CD1B: variants seen among roughly 807,000 people sequenced by gnomAD.
CD1B encodes T-cell surface glycoprotein CD1b.
Under a neutral mutation model 39.8 loss-of-function variants are expected in CD1B, and 43 were observed. That is an observed-to-expected ratio of 1.08 (90% CI 0.85 to 1.39). CD1B has a LOEUF of 1.39. CD1B is among the 40% of genes most tolerant of loss of function. CD1B has a pLI of 0.00. For missense variants in CD1B, 495 were observed against 403.8 expected, an observed-to-expected ratio of 1.23 and a Z score of -1.94; for synonymous variants, 192 against 152.5, an observed-to-expected ratio of 1.26 and a Z score of -1.91.
chr1:158,294,111 G>C, the CD1B span, among the ~76,000 whole-genome samples: 1 of 152,178 alleles, frequency 6.6e-6, no homozygotes, highest in Non-Finnish European at 1.5e-5. Flanking sequence ...TAAACACAGA[G>C]AATTACAAAT....
At chr1:158,329,041 T>G (rs1445569197) in intron 4 of CD1B, 27 bp from the exon 5 acceptor site, 2 of 1,561,412 alleles carry the variant, frequency 1.3e-6, no homozygotes, top group African/African-American at 2.7e-5. Context: ...GACAAAAGGA[T>G]GTCACTTCAG....
chr1:158,305,257 T>C, the CD1B span, among the ~76,000 whole-genome samples: 1 of 151,956 alleles, frequency 6.6e-6, no homozygotes, highest in Admixed American at 6.6e-5. Context: ...CGGATGGAGC[T>C]GAAAACAAAG....
the CD1B span, among the ~76,000 whole-genome samples, chr1:158,295,803 G>C: frequency 6.6e-6 from 1 of 151,992 alleles, no homozygotes; most frequent in Non-Finnish European, 1.5e-5. Context: ...TCTTTCACTG[G>C]CTGACCCCAC....
chr1:158,306,715 A>T, the CD1B span, among the ~76,000 whole-genome samples: 1 of 152,212 alleles, frequency 6.6e-6, no homozygotes, highest in African/African-American at 2.4e-5. Context: ...AAGAACAGAA[A>T]TTATAACAAA....
At chr1:158,290,702 G>A in the CD1B span, among the ~76,000 whole-genome samples, 2 of 152,144 alleles carry the variant, frequency 1.3e-5, no homozygotes, top group Non-Finnish European at 2.9e-5. Flanking sequence ...TAGATGTAGA[G>A]GGATAAGTTT....
At chr1:158,331,109 G>A in intron 1 of CD1B, 47 bp from the exon 2 acceptor site, 1 of 1,531,434 alleles carries the variant, frequency 6.5e-7, no homozygotes, top group Non-Finnish European at 8.8e-7. Flanking sequence ...GAGAGAAGCA[G>A]GAGACAATTA....
the CD1B span, among the ~76,000 whole-genome samples, chr1:158,306,499 C>T: frequency 1.3e-5 from 2 of 152,196 alleles, no homozygotes; most frequent in African/African-American, 4.8e-5. Flanking sequence ...TAACACCCCA[C>T]TGTCAACATT....
chr1:158,298,007 A>C, the CD1B span, among the ~76,000 whole-genome samples: 1 of 152,052 alleles, frequency 6.6e-6, no homozygotes, highest in African/African-American at 2.4e-5. Flanking sequence ...GACCCATCTC[A>C]CATGCAAGGA....
the CD1B span, among the ~76,000 whole-genome samples, chr1:158,304,636 A>C: frequency 0.67 from 102,427 of 151,990 alleles, 36,500 homozygotes; most frequent in African/African-American, 0.9. Context: ...GGACAGAGTG[A>C]CTCCTCAAGT....
the CD1B span, among the ~76,000 whole-genome samples, chr1:158,306,869 T>G: frequency 6.6e-6 from 1 of 152,102 alleles, no homozygotes; most frequent in Non-Finnish European, 1.5e-5. Flanking sequence ...ATAAAGATGT[T>G]CTTTGAAACC....
chr1:158,331,302 G>C lies in CD1B; in HGVS notation c.61+61C>G, dbSNP rs572655598. On this transcript the variant is annotated intron_variant, in intron 1 of 5. Transcript: ENST00000368168. ...GTCCAATTGCACCTAGGAAAGCCCT[G>C]CTTGCTTTTTAAAATCCAAACCCCT... 29 of 1,489,296 alleles carry C rather than the reference G, an allele frequency of 1.9e-5. No individual in the cohort carries two copies. In the East Asian group the frequency reaches 5.9e-4, roughly 30 times the overall value. 92.3% of individuals were successfully genotyped at this position (1,489,296 alleles called of 1,614,324 possible).
At chr1:158,329,794 T>G in intron 3 of CD1B, 58 bp downstream of exon 3, 1 of 1,570,562 alleles carries the variant, frequency 6.4e-7, no homozygotes, top group South Asian at 1.2e-5. Flanking sequence ...TCCTTTGATA[T>G]CTTCCTACTC....
At chr1:158,292,409 T>G in the CD1B span, 1 of 1,575,312 alleles carries the variant, frequency 6.3e-7, no homozygotes, top group Non-Finnish European at 8.6e-7. Context: ...TCTATTCAAG[T>G]ACTGCCCCTT....
the CD1B span, chr1:158,293,228 G>T: frequency 6.2e-7 from 1 of 1,613,866 alleles, no homozygotes; most frequent in Non-Finnish European, 8.5e-7. Flanking sequence ...ACTTTTCCAT[G>T]AATTGGATTG....
chr1:158,331,144 T>C, intron 1 of CD1B, 82 bp from the exon 2 acceptor site: 1 of 1,405,988 alleles, frequency 7.1e-7, no homozygotes, highest in Non-Finnish European at 9.7e-7. Context: ...GAAAATGATT[T>C]AGAAAACAAG....
the CD1B span, among the ~76,000 whole-genome samples, chr1:158,314,133 G>A: frequency 1.1e-4 from 17 of 152,056 alleles, no homozygotes; most frequent in Non-Finnish European, 2.2e-4. Flanking sequence ...TGCCCAGGCT[G>A]GAGTGCAGTG....
At chr1:158,304,389 G>A in the CD1B span, among the ~76,000 whole-genome samples, 1 of 152,100 alleles carries the variant, frequency 6.6e-6, no homozygotes, top group Non-Finnish European at 1.5e-5. Context: ...AGAGAGGCTG[G>A]GGGAGGGGCG....
chr1:158,291,272 TC>T, the CD1B span: 1 of 1,614,130 alleles, frequency 6.2e-7, no homozygotes, highest in Non-Finnish European at 8.5e-7. Flanking sequence ...ACAATAATTT[TC>T]CTGCATAACT....
the CD1B span, among the ~76,000 whole-genome samples, chr1:158,307,895 C>A: frequency 6.6e-6 from 1 of 152,166 alleles, no homozygotes; most frequent in Non-Finnish European, 1.5e-5. Context: ...ATGGGCAAAA[C>A]CTGGAAGCAT....
Sources: allele counts gnomAD v4.1 joint callset (sites outside exome capture counted in the v4.1 genomes callset), GRCh38; gene constraint gnomAD v4.1.1; transcripts MANE v1.5; gene names NCBI Gene and HGNC (gene_info 2026-07-23, HGNC 2026-07-21).